ADAMTSL1: variants seen among roughly 807,000 people sequenced by gnomAD.
ADAMTSL1 encodes ADAMTS-like protein 1.
ADAMTSL1 carries 126 observed loss-of-function variants against 201.8 expected under a neutral mutation model. The observed-to-expected ratio is 0.62, with a 90% CI of 0.54 to 0.72. The LOEUF is 0.72. ADAMTSL1 is among the 30% of genes least tolerant of loss of function. The probability of loss-of-function intolerance (pLI) is 0.00; values close to 1 mark genes in which losing one functional copy is unlikely to be tolerated. For synonymous variants in ADAMTSL1, 1,121 were observed against 903.4 expected, an observed-to-expected ratio of 1.24 and a Z score of -4.32; for missense variants, 2,679 against 2,277.8, an observed-to-expected ratio of 1.18 and a Z score of -3.59.
rs892042158 is a variant in ADAMTSL1 at position 18,194,655 on chromosome 9, T to C, written c.207+30674T>C. On this transcript the variant is annotated intron_variant, in intron 2 of 29. Transcript: ENST00000680146. ...TGCTTTTTCAACAGTCCCAGCAGTGTATATGCCTCGTGGCCCAGGGTCTAG... is the reference window on the plus strand; with the variant it reads ...TGCTTTTTCAACAGTCCCAGCAGTGCATATGCCTCGTGGCCCAGGGTCTAG... Among the ~76,000 whole-genome samples, 4 of 152,116 alleles carry C rather than the reference T, an allele frequency of 2.6e-5. No homozygotes were observed. The East Asian group carries it at 7.7e-4, about 29-fold the overall frequency.
At chr9:18,708,771 T>C (rs1832380180) in intron 14 of ADAMTSL1, among the ~76,000 whole-genome samples, 1 of 152,228 alleles carries the variant, frequency 6.6e-6, no homozygotes, top group Admixed American at 6.5e-5. Flanking sequence ...TAGTTCTCAG[T>C]TACAAGTCAA....
chr9:18,161,920 G>T (rs530763362), intron 1 of ADAMTSL1, among the ~76,000 whole-genome samples: 46 of 152,144 alleles, frequency 3.0e-4, no homozygotes, highest in African/African-American at 4.8e-4. Context: ...ATGAAACTCA[G>T]TGTAGAAGAA....
chr9:18,375,516 T>A (rs560944328), intron 2 of ADAMTSL1, among the ~76,000 whole-genome samples: 2 of 152,282 alleles, frequency 1.3e-5, no homozygotes, highest in Admixed American at 1.3e-4. Context: ...TTATACACGA[T>A]CAAACAAAAA....
At chr9:18,848,183 C>T (rs140530385) in intron 23 of ADAMTSL1, among the ~76,000 whole-genome samples, 197 of 152,272 alleles carry the variant, frequency 1.3e-3, no homozygotes, top group African/African-American at 4.5e-3. Context: ...AGGGGATCCC[C>T]ATTGCACAGT....
chr9:18,368,157 C>T (rs1836864404), intron 2 of ADAMTSL1, among the ~76,000 whole-genome samples: 1 of 152,036 alleles, frequency 6.6e-6, no homozygotes, highest in Non-Finnish European at 1.5e-5. Flanking sequence ...CCTCGTGATC[C>T]GCCTGCCTTG....
At position 18,655,806 on chromosome 9, in the gene ADAMTSL1, T is replaced by TAAAAAAAAAAAAAAAAAAAA. The variant is rs56662538; in HGVS notation, c.835-1821_835-1802dup. On this transcript the variant is annotated intron_variant, in intron 7 of 28. Transcript: ENST00000380548. ...AGAGAGCTAGAGGCTTTTGTGAGCTTAAAAAAAAAAAAAAAAAAAAAAAAA... is the reference window on the plus strand; with the variant it reads ...AGAGAGCTAGAGGCTTTTGTGAGCTTAAAAAAAAAAAAAAAAAAAAAAAAAAAAAAAAAAAAAAAAAAAAA... 1.6e-3 allele frequency among the ~76,000 whole-genome samples: 135 copies of TAAAAAAAAAAAAAAAAAAAA among 81,840 alleles called. 9 individuals carry two copies. Among genetic ancestry groups the TAAAAAAAAAAAAAAAAAAAA allele is most frequent in the African/African-American group, 1.9e-3 (29 of 15,104 alleles). The allele number at this position is 81,840 out of a possible 152,430, so 53.7% of individuals were successfully genotyped here.
chr9:18,602,780 T>C (rs1348933690), intron 4 of ADAMTSL1, among the ~76,000 whole-genome samples: 1 of 152,196 alleles, frequency 6.6e-6, no homozygotes, highest in Non-Finnish European at 1.5e-5. Context: ...ATATCTAGTC[T>C]ATGGAGACTT....
At chr9:18,092,827 C>CT (rs1824086410) in intron 1 of ADAMTSL1, among the ~76,000 whole-genome samples, 1 of 152,120 alleles carries the variant, frequency 6.6e-6, no homozygotes, top group Non-Finnish European at 1.5e-5. Context: ...CTAAGTTTTT[C>CT]TTTAAGATTT....
intron 1 of ADAMTSL1, among the ~76,000 whole-genome samples, chr9:17,978,769 A>T (rs918297057): frequency 1.3e-5 from 2 of 151,638 alleles, no homozygotes; most frequent in Non-Finnish European, 1.5e-5. Context: ...TTTACCATTG[A>T]TTTTTTTTAC....
chr9:18,848,524 A>T (rs897238715), intron 23 of ADAMTSL1, among the ~76,000 whole-genome samples: 7 of 152,052 alleles, frequency 4.6e-5, no homozygotes, highest in Non-Finnish European at 1.0e-4. Context: ...CATGGCCTTG[A>T]GCCTCATGTA....
At chr9:18,621,556 C>CCACACACACACACA (rs57351480) in intron 4 of ADAMTSL1, among the ~76,000 whole-genome samples, 83 of 143,722 alleles carry the variant, frequency 5.8e-4, no homozygotes, top group East Asian at 3.6e-3. Flanking sequence ...CCGTCCTCTT[C>CCACACACACACACA]CACACACACA....
chr9:18,613,196 A>G (rs1322804870), intron 4 of ADAMTSL1, among the ~76,000 whole-genome samples: 1 of 152,232 alleles, frequency 6.6e-6, no homozygotes, highest in Non-Finnish European at 1.5e-5. Flanking sequence ...AGCTATTATT[A>G]GAAGGTCAAA....
At chr9:18,148,708 C>T (rs943843948) in intron 1 of ADAMTSL1, among the ~76,000 whole-genome samples, 3 of 151,726 alleles carry the variant, frequency 2.0e-5, no homozygotes, top group African/African-American at 7.3e-5. Context: ...TTAGCTAATC[C>T]TTCATTATCC....
chr9:18,724,255 G>A (rs901497483), intron 15 of ADAMTSL1, among the ~76,000 whole-genome samples: 3 of 152,196 alleles, frequency 2.0e-5, no homozygotes, highest in African/African-American at 7.2e-5. Flanking sequence ...ACACCAGTTA[G>A]GGAGCCACTT....
chr9:18,781,054 C>G (rs956066142), intron 19 of ADAMTSL1, among the ~76,000 whole-genome samples: 2 of 152,162 alleles, frequency 1.3e-5, no homozygotes, highest in African/African-American at 4.8e-5. Context: ...TTAGGAAACA[C>G]ACTTTGGCCC....
At chr9:18,270,901 T>C (rs1832334807) in intron 2 of ADAMTSL1, among the ~76,000 whole-genome samples, 1 of 152,148 alleles carries the variant, frequency 6.6e-6, no homozygotes, top group South Asian at 2.1e-4. Context: ...ATAGTCTCTT[T>C]CCCTGTTGTT....
chr9:18,045,617 T>A (rs951530971), intron 1 of ADAMTSL1, among the ~76,000 whole-genome samples: 9 of 152,136 alleles, frequency 5.9e-5, no homozygotes, highest in Admixed American at 5.9e-4. Context: ...TGCCCTTCCA[T>A]AGAAATTCTC....
chr9:17,942,392 A>C (rs554176772), intron 1 of ADAMTSL1, among the ~76,000 whole-genome samples: 2 of 152,180 alleles, frequency 1.3e-5, no homozygotes. Flanking sequence ...GAAATTATCA[A>C]TGTAATCTTT....
At chr9:18,830,064 G>A (rs1042908148) in intron 23 of ADAMTSL1, 87 bp downstream of exon 23, 3 of 1,502,444 alleles carry the variant, frequency 2.0e-6, no homozygotes, top group African/African-American at 1.4e-5. Flanking sequence ...TGGGAAGGAG[G>A]CAGCAGTCGG....
Sources: allele counts gnomAD v4.1 joint callset (sites outside exome capture counted in the v4.1 genomes callset), GRCh38; gene constraint gnomAD v4.1.1; transcripts MANE v1.5; gene names NCBI Gene and HGNC (gene_info 2026-07-23, HGNC 2026-07-21).